The following NALCN variants were observed in gnomAD, a reference collection of about 807,000 sequenced individuals.
NALCN encodes sodium leak channel NALCN.
In NALCN, 111 loss-of-function variants were observed where a neutral mutation model predicts 225.3. That is an observed-to-expected ratio of 0.49 (90% CI 0.42 to 0.58). The LOEUF is 0.58. Ranked by LOEUF, NALCN falls within the 20% of genes least tolerant of loss-of-function variation. The pLI is 0.00. For missense variants in NALCN, 1,378 were observed against 2,202.4 expected (o/e 0.63, Z 7.49); for synonymous variants, 764 against 769.0 (o/e 0.99, Z 0.11).
chr13:101,321,719 T>C (rs1401780421), intron 7 of NALCN, among the ~76,000 whole-genome samples: 1 of 152,166 alleles, frequency 6.6e-6, no homozygotes, highest in Non-Finnish European at 1.5e-5. Context: ...AGTAGGTGTA[T>C]ATTTATTCAT....
chr13:101,255,306 TACATAA>T lies in NALCN; in HGVS notation c.1266+3131_1266+3136del, dbSNP rs1247260489. 2.0e-5 allele frequency among the ~76,000 whole-genome samples: 3 copies of T among 152,306 alleles called. No homozygotes were observed. In the East Asian group the frequency reaches 5.8e-4, roughly 29 times the overall value. On this transcript the variant is annotated intron_variant, in intron 11 of 43. Coordinates refer to ENST00000251127, the MANE Select transcript of NALCN (RefSeq NM_052867.4). ...AGGTATGAGGATAAATCATCTACCA[TACATAA>T]ACACATTAGGAAAGGATCAATTCTG...
At chr13:101,079,630 T>C (rs1280624845) in intron 34 of NALCN, among the ~76,000 whole-genome samples, 7 of 152,250 alleles carry the variant, frequency 4.6e-5, no homozygotes, top group South Asian at 2.1e-4. Context: ...TTGTGAGCAA[T>C]TGATGACTAT....
chr13:101,161,278 G>A (rs895952651), intron 15 of NALCN, among the ~76,000 whole-genome samples: 3 of 152,112 alleles, frequency 2.0e-5, no homozygotes, highest in Non-Finnish European at 2.9e-5. Context: ...ACAACTATTA[G>A]GCATCTCTGT....
In NALCN at chr13:101,079,749, A is replaced by T. The variant is rs185568634; in HGVS notation, c.3885+1778T>A. Among the ~76,000 whole-genome samples the T allele has an allele frequency of 3.6e-3, 545 of 152,290 alleles. 3 individuals carry two copies. The highest frequency in any genetic ancestry group is 0.013 in the African/African-American group (528 of 41,552). ...CTGTGTCTTGTACTAGGAATTGAGA[A>T]CCATTTATTGCTGAGAAAATACTTC... On this transcript the variant is annotated intron_variant, in intron 34 of 43. Transcript: ENST00000251127.
intron 18 of NALCN, among the ~76,000 whole-genome samples, chr13:101,122,250 G>C (rs2036013896): frequency 1.3e-5 from 2 of 152,070 alleles, no homozygotes; most frequent in African/African-American, 2.4e-5. Flanking sequence ...CATTCGCACA[G>C]AAGAAAAAAC....
Position 101,102,586 on chromosome 13 carries a change from A to G in NALCN, c.3057+586T>C, listed in dbSNP as rs1212790366. On this transcript the variant is annotated intron_variant, in intron 26 of 43. Transcript: ENST00000251127. ...TTATCTCTGACCTTGTTTTCAGAAG[A>G]CCCTAAATCAATGTTTGCCCAGCTA... 2.0e-5 allele frequency among the ~76,000 whole-genome samples: 3 copies of G among 152,136 alleles called. No homozygotes were observed. In the East Asian group the frequency reaches 5.8e-4, roughly 29 times the overall value.
chr13:101,233,289 A>G (rs2041422055), intron 12 of NALCN, among the ~76,000 whole-genome samples: 1 of 152,164 alleles, frequency 6.6e-6, no homozygotes, highest in Non-Finnish European at 1.5e-5. Flanking sequence ...GATGCTGTAG[A>G]AATTGCATAG....
rs146588826 is a variant in NALCN, at chr13:101,058,451, A to T, written c.4906-395T>A. Reference sequence around the variant, plus strand: ...GCAGTCTACTGTCACCAGCCTGGAGATCCACACTTAGAGCTTCAGGGAAAG... The same window carrying T: ...GCAGTCTACTGTCACCAGCCTGGAGTTCCACACTTAGAGCTTCAGGGAAAG... On this transcript the variant is annotated intron_variant, in intron 42 of 43. Coordinates refer to ENST00000251127, the MANE Select transcript of NALCN (RefSeq NM_052867.4). 5.4e-4 allele frequency: 101 copies of T among 186,044 alleles called. No individual in the cohort carries two copies. The East Asian group carries it at 0.015, about 27-fold the overall frequency. The allele number at this position is 186,044 out of a possible 1,614,324, so 11.5% of individuals were successfully genotyped here. A position where few individuals can be genotyped will look rare whatever the true frequency, so the allele number is the denominator to read the frequency against.
chr13:101,221,723 G>A (rs1040695263), intron 13 of NALCN, among the ~76,000 whole-genome samples: 3 of 152,010 alleles, frequency 2.0e-5, no homozygotes, highest in Non-Finnish European at 4.4e-5. Flanking sequence ...TGTCCAAAAG[G>A]AAGGCCCAAT....
intron 15 of NALCN, among the ~76,000 whole-genome samples, chr13:101,167,104 TTTGA>T (rs1228763926): frequency 2.0e-5 from 3 of 152,222 alleles, no homozygotes; most frequent in Non-Finnish European, 4.4e-5. Flanking sequence ...ATCACACTGT[TTTGA>T]TTATTTTATC....
chr13:101,408,772 T>C (rs1482596296), intron 1 of NALCN, among the ~76,000 whole-genome samples: 1 of 152,120 alleles, frequency 6.6e-6, no homozygotes, highest in Non-Finnish European at 1.5e-5. Flanking sequence ...CTAAATAATG[T>C]AGCTCTGCAA....
At chr13:101,396,372 A>G (rs2085820130) in intron 2 of NALCN, among the ~76,000 whole-genome samples, 1 of 152,094 alleles carries the variant, frequency 6.6e-6, no homozygotes, top group East Asian at 1.9e-4. Flanking sequence ...GTTTTTATTG[A>G]CTATCTGGGA....
intron 14 of NALCN, among the ~76,000 whole-genome samples, chr13:101,179,050 T>C (rs888505664): frequency 6.6e-6 from 1 of 152,196 alleles, no homozygotes; most frequent in African/African-American, 2.4e-5. Context: ...TCTATTAAAT[T>C]TGACAAACAG....
rs573855646 is a variant in NALCN at position 101,195,508 on chromosome 13, C to T, written c.1627-3454G>A. ...TTTTATGCAGTAGTTTGACACTTTC[C>T]TTGCTTTATTATTTTAAACATGTTG... On this transcript the variant is annotated intron_variant, in intron 13 of 43. Transcript: ENST00000251127. Among the ~76,000 whole-genome samples the T allele has an allele frequency of 7.9e-5, 12 of 152,246 alleles. No homozygotes were observed. In the East Asian group the frequency reaches 1.7e-3, roughly 22 times the overall value.
rs1292643856 is a variant in NALCN, at chr13:101,244,010, CT to C, written c.1267-6089del. On this transcript the variant is annotated intron_variant, in intron 11 of 43. Transcript: ENST00000251127. ...TGGGGAAGACTTGAACCTGTTTTCT[CT>C]CCTATGGATACTAGGGAATCTCAGG... Among the ~76,000 whole-genome samples, 4 of 136,060 alleles carry C rather than the reference CT, an allele frequency of 2.9e-5. 1 individual carries two copies. Among genetic ancestry groups the C allele is most frequent in the African/African-American group, 1.1e-4 (4 of 36,808 alleles). 89.3% of individuals were successfully genotyped at this position (136,060 alleles called of 152,430 possible). A position where few individuals can be genotyped will look rare whatever the true frequency, so the allele number is the denominator to read the frequency against.
intron 7 of NALCN, among the ~76,000 whole-genome samples, chr13:101,317,718 G>T (rs560656082): frequency 6.6e-6 from 1 of 152,140 alleles, no homozygotes; most frequent in East Asian, 1.9e-4. Flanking sequence ...CTCTACATGG[G>T]CCAAGAGCCA....
chr13:101,181,130 G>A, intron 14 of NALCN: 1 of 518,904 alleles, frequency 1.9e-6, no homozygotes, highest in Non-Finnish European at 3.8e-6. Context: ...AGAGAGCCAA[G>A]GATGCTCTCC....
intron 6 of NALCN, among the ~76,000 whole-genome samples, chr13:101,356,396 T>C (rs2046062517): frequency 6.6e-6 from 1 of 152,064 alleles, no homozygotes. Flanking sequence ...AAATACAAAA[T>C]ACCATCAGAA....
At chr13:101,268,182 G>A (rs1201286510) in intron 10 of NALCN, among the ~76,000 whole-genome samples, 1 of 152,208 alleles carries the variant, frequency 6.6e-6, no homozygotes, top group Non-Finnish European at 1.5e-5. Context: ...ATGTATGTAT[G>A]TATATGCCAT....
Sources: gnomAD v4.1 joint callset for allele counts (sites outside exome capture counted in the v4.1 genomes callset) on GRCh38, gnomAD v4.1.1 for gene constraint, MANE v1.5 for transcripts, NCBI Gene and HGNC (gene_info 2026-07-23, HGNC 2026-07-21) for gene names.